Variants in ABCD3 observed in about 807,000 individuals in gnomAD.
ABCD3 encodes the protein ATP binding cassette subfamily D member 3, also known as ATP-binding cassette sub-family D member 3.
A neutral mutation model predicts 105.5 loss-of-function variants in ABCD3; 41 were observed. That is an observed-to-expected ratio of 0.39 (90% CI 0.30 to 0.50). The LOEUF (loss-of-function observed/expected upper bound fraction) is 0.50. ABCD3 is among the 20% of genes least tolerant of loss of function. ABCD3 has a pLI of 0.84. For synonymous variants in ABCD3, 258 were observed against 269.0 expected (o/e 0.96, Z 0.40); for missense variants, 622 against 806.3 (o/e 0.77, Z 2.77).
chr1:94,482,515 G>T (rs1046593231), intron 9 of ABCD3: 3 of 152,354 alleles, frequency 2.0e-5, no homozygotes, highest in Non-Finnish European at 4.4e-5. Context: ...CTGACCTGCT[G>T]GCTCTGCAAC....
the ABCD3 span, among the ~76,000 whole-genome samples, chr1:94,398,647 C>T: frequency 6.6e-6 from 1 of 152,198 alleles, no homozygotes; most frequent in Non-Finnish European, 1.5e-5. Context: ...GGCACAGTGG[C>T]TCACGCCTGT....
chr1:94,494,202 G>A (rs1649686609), intron 16 of ABCD3, among the ~76,000 whole-genome samples: 1 of 151,872 alleles, frequency 6.6e-6, no homozygotes, highest in East Asian at 1.9e-4. Context: ...AGTGACAAAG[G>A]GAAAAAAATG....
In ABCD3 at chr1:94,469,295, C is replaced by T. The variant is rs1648322956; in HGVS notation, c.335+1288C>T. ...GGTGAGAATTAGCTCTTTTACACTCCCTCCGTGCTCATCTTCTCAATGTTT... is the reference window on the plus strand; with the variant it reads ...GGTGAGAATTAGCTCTTTTACACTCTCTCCGTGCTCATCTTCTCAATGTTT... On this transcript the variant is annotated intron_variant, in intron 4 of 22. Coordinates refer to ENST00000370214, the MANE Select transcript of ABCD3 (RefSeq NM_002858.4). 2.0e-5 allele frequency among the ~76,000 whole-genome samples: 3 copies of T among 152,084 alleles called. No homozygotes were observed. The South Asian group carries it at 6.2e-4, about 32-fold the overall frequency.
chr1:94,444,606 T>TAAG (rs1660276412), intron 1 of ABCD3, among the ~76,000 whole-genome samples: 1 of 152,190 alleles, frequency 6.6e-6, no homozygotes, highest in Non-Finnish European at 1.5e-5. Context: ...AACCTTTTCA[T>TAAG]TTTGTAAGTC....
chr1:94,485,528 T>G (rs910222436), intron 10 of ABCD3, among the ~76,000 whole-genome samples: 3 of 152,216 alleles, frequency 2.0e-5, no homozygotes, highest in African/African-American at 7.2e-5. Context: ...GGGCCTGCAG[T>G]TCACCAGTTT....
intron 1 of ABCD3, among the ~76,000 whole-genome samples, chr1:94,423,510 A>G (rs1345858051): frequency 6.6e-6 from 1 of 152,190 alleles, no homozygotes; most frequent in South Asian, 2.1e-4. Context: ...GCTCTATTTT[A>G]GAAGGTACTT....
intron 1 of ABCD3, among the ~76,000 whole-genome samples, chr1:94,449,043 G>T (rs1018596973): frequency 5.3e-5 from 8 of 152,212 alleles, no homozygotes; most frequent in Non-Finnish European, 1.2e-4. Context: ...TGGTTTGGTG[G>T]AGAGATCTGA....
intron 20 of ABCD3, among the ~76,000 whole-genome samples, chr1:94,504,357 ATC>A (rs1256620798): frequency 6.6e-6 from 1 of 152,092 alleles, no homozygotes; most frequent in Non-Finnish European, 1.5e-5. Context: ...GCCTCAAGTG[ATC>A]TGCCCTCCTC....
chr1:94,403,906 T>C, the ABCD3 span, among the ~76,000 whole-genome samples: 1 of 152,206 alleles, frequency 6.6e-6, no homozygotes, highest in Non-Finnish European at 1.5e-5. Flanking sequence ...AAGATCTAGG[T>C]ATGAGGTATG....
the ABCD3 span, among the ~76,000 whole-genome samples, chr1:94,388,032 A>C: frequency 6.6e-6 from 1 of 152,206 alleles, no homozygotes; most frequent in South Asian, 2.1e-4. Context: ...TCTATTTGAC[A>C]TCAAAGCCCA....
At position 94,516,309 on chromosome 1, in the gene ABCD3, A is replaced by G. The variant is rs186454466; in HGVS notation, c.1903-743A>G. On this transcript the variant is annotated intron_variant, in intron 22 of 22. Coordinates refer to ENST00000370214, the MANE Select transcript of ABCD3 (RefSeq NM_002858.4). ...ACTTAATAAAATTCAGTGAAATTCTATATAACTGTGTGACTTTTAAAGATA... is the reference window on the plus strand; with the variant it reads ...ACTTAATAAAATTCAGTGAAATTCTGTATAACTGTGTGACTTTTAAAGATA... Among the ~76,000 whole-genome samples, 25 of 152,132 alleles carry G rather than the reference A, an allele frequency of 1.6e-4. No individual in the cohort carries two copies. The East Asian group carries it at 1.9e-3, about 12-fold the overall frequency.
chr1:94,450,710 T>A (rs1375996278), intron 1 of ABCD3, among the ~76,000 whole-genome samples: 2 of 152,160 alleles, frequency 1.3e-5, no homozygotes, highest in East Asian at 3.9e-4. Flanking sequence ...CACTCCACAC[T>A]CTATATTTCT....
At chr1:94,452,589 A>G (rs1647309872) in intron 1 of ABCD3, among the ~76,000 whole-genome samples, 1 of 152,216 alleles carries the variant, frequency 6.6e-6, no homozygotes, top group African/African-American at 2.4e-5. Context: ...AATTTTAATG[A>G]TAAGGTATTT....
intron 3 of ABCD3, among the ~76,000 whole-genome samples, chr1:94,467,208 T>C (rs562888005): frequency 1.3e-5 from 2 of 152,300 alleles, no homozygotes; most frequent in African/African-American, 2.4e-5. Context: ...ATCCCTTTTT[T>C]CCCCCATTAA....
Position 94,517,460 on chromosome 1 carries a change from T to G in ABCD3, c.*331T>G. The G allele has an allele frequency of 3.5e-6, 1 of 288,440 alleles. No individual in the cohort carries two copies. The allele number at this position is 288,440 out of a possible 1,614,324, so 17.9% of individuals were successfully genotyped here. On this transcript the variant is annotated 3_prime_UTR_variant, in exon 23 of 23. Transcript: ENST00000370214. ...TGTAAACCATTCGAAGTCAGCTAAT[T>G]GGACTTTTATGGCTCTATCTTTTCC...
the ABCD3 span, among the ~76,000 whole-genome samples, chr1:94,410,026 G>A: frequency 6.8e-3 from 1,030 of 152,316 alleles, 10 homozygotes; most frequent in African/African-American, 0.024. Flanking sequence ...CAGACGGATG[G>A]CTGAGCACTG....
intron 1 of ABCD3, among the ~76,000 whole-genome samples, chr1:94,441,922 G>A (rs1660146939): frequency 6.6e-6 from 1 of 152,140 alleles, no homozygotes. Context: ...GGGATAATCA[G>A]AGAAATTGGA....
intron 5 of ABCD3, among the ~76,000 whole-genome samples, chr1:94,474,434 G>T (rs918073601): frequency 6.6e-6 from 1 of 151,980 alleles, no homozygotes; most frequent in Non-Finnish European, 1.5e-5. Context: ...TTTTCTTGGC[G>T]CTGTAAGAAT....
intron 3 of ABCD3, 99 bp downstream of exon 3, chr1:94,464,972 C>A: frequency 9.8e-7 from 1 of 1,020,190 alleles, no homozygotes; most frequent in East Asian, 2.6e-5. Context: ...TTAATTGGCT[C>A]CTGGATCTGC....
Sources: allele counts gnomAD v4.1 joint callset (sites outside exome capture counted in the v4.1 genomes callset), GRCh38; gene constraint gnomAD v4.1.1; transcripts MANE v1.5; gene names NCBI Gene and HGNC (gene_info 2026-07-23, HGNC 2026-07-21).